Variants in STK10 observed in about 807,000 individuals in gnomAD.
STK10 encodes the protein serine/threonine-protein kinase 10.
In STK10, 78 loss-of-function variants were observed where a neutral mutation model predicts 113.8. That is an observed-to-expected ratio of 0.69 (90% CI 0.57 to 0.83). The LOEUF (loss-of-function observed/expected upper bound fraction) is 0.83. Among genes scored for constraint, STK10 ranks in the 40% least tolerant of loss-of-function variants. The probability of loss-of-function intolerance (pLI) is 0.00; values close to 1 mark genes in which losing one functional copy is unlikely to be tolerated. For synonymous variants in STK10, 465 were observed against 494.7 expected (o/e 0.94, Z 0.80); for missense variants, 1,109 against 1,280.1 (o/e 0.87, Z 2.04).
rs78364436 is a variant in STK10 at position 172,064,538 on chromosome 5, G to A, written c.2082+182C>T. The A allele has an allele frequency of 2.2e-3, 1,382 of 630,446 alleles. 7 individuals are homozygous for A. The highest frequency in any genetic ancestry group is 0.016 in the African/African-American group (863 of 54,618). 39.1% of individuals were successfully genotyped at this position (630,446 alleles called of 1,614,324 possible). ...AGAGCTTACTTCCAGATGGAGGCAG[G>A]GCAATCGAGGAAGGCTGCATGGAGG... On this transcript the variant is annotated intron_variant, in intron 13 of 18. Transcript: ENST00000176763.
chr5:172,068,444 T>C (rs1026781798), intron 12 of STK10, among the ~76,000 whole-genome samples: 9 of 152,136 alleles, frequency 5.9e-5, no homozygotes, highest in Non-Finnish European at 1.2e-4. Context: ...AACTTTGTGG[T>C]CAGGAAGAAA....
chr5:172,183,997 C>T lies in STK10; in HGVS notation c.156+3890G>A, dbSNP rs139707599. ...TCCTCAGGAAATCTGGAGTCAGAGT[C>T]CTCTCCTGACACTGTGACAAACTCA... On this transcript the variant is annotated intron_variant, in intron 1 of 18. Coordinates refer to ENST00000176763, the MANE Select transcript of STK10 (RefSeq NM_005990.4). Among the ~76,000 whole-genome samples the T allele has an allele frequency of 1.5e-3, 221 of 152,274 alleles. 2 individuals carry two copies. The highest frequency in any genetic ancestry group is 5.1e-3 in the African/African-American group (210 of 41,564).
At position 172,083,025 on chromosome 5, in the gene STK10, T is replaced by C. The variant is rs1349269503; in HGVS notation, c.1745A>G (p.Gln582Arg). ...CTGCAGCTCATGCTTGTTACTCAGC[T>C]GGGTCTGGTTCCGATGCTCTTCTTT... is the stretch of plus-strand genomic sequence containing the variant. ...LQKEEHRNQT[Q>R]LSNKHELQLE... Residue 582 changes from glutamine (Q) to arginine (R), a missense_variant, in exon 11 of 19, where the codon CAG (glutamine) becomes CGG (arginine). Gln to Arg is a conservative substitution (Grantham distance 43). Around this residue, in one of 5 missense-constraint regions of STK10, gnomAD observed 885 missense variants for 991.1 expected, o/e 0.89. Transcript: ENST00000176763. 1 of 1,614,176 alleles carries C rather than the reference T, an allele frequency of 6.2e-7. No individual in the cohort carries two copies. Among genetic ancestry groups the C allele is most frequent in the Non-Finnish European group, 8.5e-7 (1 of 1,180,034 alleles).
chr5:172,054,598 T>A lies in STK10; in HGVS notation c.2623A>T (p.Ser875Cys), dbSNP rs1488842111. The stretch of plus-strand genomic sequence containing the variant: ...AGCTGCTGCAGCTCGCTCATGTTGC[T>A]CTCACACTGCGCCAGCATGTCCCGC... ...QMRDMLAQCE[S>C]NMSELQQLQN... is the part of the protein sequence containing the mutation. The change falls in exon 17 of 19, where the codon AGC (serine) becomes TGC (cysteine). Residue 875 changes from serine (S) to cysteine (C), a missense_variant. Coordinates refer to ENST00000176763, the MANE Select transcript of STK10 (RefSeq NM_005990.4). 6.2e-7 allele frequency: 1 copy of A among 1,609,308 alleles called. No individual in the cohort carries two copies. The highest frequency in any genetic ancestry group is 1.7e-5 in the Admixed American group (1 of 60,002).
At chr5:172,046,099 CT>C (rs753047258) in intron 18 of STK10, among the ~76,000 whole-genome samples, 5 of 151,558 alleles carry the variant, frequency 3.3e-5, no homozygotes, top group Non-Finnish European at 5.9e-5. Flanking sequence ...GTGTCTCAGC[CT>C]TGTAATCCCA....
chr5:172,177,838 GT>G (rs1770783882), intron 1 of STK10, among the ~76,000 whole-genome samples: 1 of 151,996 alleles, frequency 6.6e-6, no homozygotes, highest in African/African-American at 2.4e-5. Flanking sequence ...GTTTTGTTTT[GT>G]TTTGTTGAGA....
rs1767429371 is a variant in STK10 at position 172,043,539 on chromosome 5, A to G, written c.*1343T>C. The G allele has an allele frequency of 1.3e-5, 2 of 152,194 alleles. No homozygotes were observed. Among genetic ancestry groups the G allele is most frequent in the African/African-American group, 4.8e-5 (2 of 41,444 alleles). 9.4% of individuals were successfully genotyped at this position (152,194 alleles called of 1,614,324 possible). On this transcript the variant is annotated 3_prime_UTR_variant, in exon 19 of 19. Transcript: ENST00000176763. ...AAAAAGCAGATATCTTCCTGGAGAAACCATACATTTTATAGTTGTTTCAAT... is the reference window on the plus strand; with the variant it reads ...AAAAAGCAGATATCTTCCTGGAGAAGCCATACATTTTATAGTTGTTTCAAT...
At chr5:172,113,250 G>A (rs1437759499) in intron 4 of STK10, among the ~76,000 whole-genome samples, 4 of 152,122 alleles carry the variant, frequency 2.6e-5, no homozygotes, top group East Asian at 3.8e-4. Context: ...TGACCAGCAC[G>A]GAGGGCATGC....
chr5:172,181,121 T>C (rs892210163), intron 1 of STK10, among the ~76,000 whole-genome samples: 2 of 152,112 alleles, frequency 1.3e-5, no homozygotes, highest in African/African-American at 2.4e-5. Flanking sequence ...TGCCATCAGA[T>C]TGCACACACA....
chr5:172,120,224 G>A lies in STK10; in HGVS notation c.371-2594C>T, dbSNP rs972801740. The stretch of plus-strand genomic sequence containing the variant: ...GGCTTCTAAGCCTGGTCACCAAAGG[G>A]CACTGCTCCGAGTCTTCCCTCTGCC... On this transcript the variant is annotated intron_variant, in intron 3 of 18. Coordinates refer to ENST00000176763, the MANE Select transcript of STK10 (RefSeq NM_005990.4). The surrounding 1 kb of genome is among the most constrained non-coding windows in gnomAD (Gnocchi z 4.0). Among the ~76,000 whole-genome samples the A allele has an allele frequency of 1.3e-5, 2 of 152,204 alleles. No individual in the cohort carries two copies. The highest frequency in any genetic ancestry group is 4.8e-5 in the African/African-American group (2 of 41,450).
intron 12 of STK10, among the ~76,000 whole-genome samples, chr5:172,066,054 G>A (rs943575174): frequency 6.6e-6 from 1 of 152,124 alleles, no homozygotes; most frequent in African/African-American, 2.4e-5. Context: ...CTTCACAGGT[G>A]CCTAATAACC....
At chr5:172,096,582 A>C in intron 7 of STK10, 22 bp from the exon 8 acceptor site, 1 of 1,611,398 alleles carries the variant, frequency 6.2e-7, no homozygotes. Flanking sequence ...AGATGCACCC[A>C]GATTAGAACC....
chr5:172,112,368 T>A (rs1403624952), intron 4 of STK10, among the ~76,000 whole-genome samples: 1 of 150,912 alleles, frequency 6.6e-6, no homozygotes, highest in Non-Finnish European at 1.5e-5. Context: ...AATGTTCATC[T>A]CCCTGGAAGT....
At chr5:172,156,161 A>G (rs1770342816) in intron 2 of STK10, among the ~76,000 whole-genome samples, 1 of 152,162 alleles carries the variant, frequency 6.6e-6, no homozygotes. Context: ...TAGCAGTGGC[A>G]GAAGAAGTGC....
chr5:172,061,059 G>T, intron 14 of STK10, 80 bp downstream of exon 14: 2 of 1,494,550 alleles, frequency 1.3e-6, no homozygotes, highest in Non-Finnish European at 1.8e-6. Context: ...GGAGGTTCTT[G>T]TTGCCCACCC....
At chr5:172,103,221 C>CT (rs1436533380) in intron 7 of STK10, among the ~76,000 whole-genome samples, 1 of 152,202 alleles carries the variant, frequency 6.6e-6, no homozygotes, top group Admixed American at 6.5e-5. Flanking sequence ...TGCTCTGATC[C>CT]CGGTGTCCTC....
At chr5:172,137,724 C>CAAAAAAAAA (rs34773105) in intron 2 of STK10, among the ~76,000 whole-genome samples, 2 of 91,030 alleles carry the variant, frequency 2.2e-5, no homozygotes, top group Admixed American at 1.2e-4. Context: ...ACTAAAAATA[C>CAAAAAAAAA]AAAAAAAAAA....
chr5:172,070,279 C>CTA (rs750367073), intron 12 of STK10, among the ~76,000 whole-genome samples: 22 of 150,082 alleles, frequency 1.5e-4, no homozygotes, highest in Admixed American at 4.0e-4. Flanking sequence ...ATCTATATAT[C>CTA]TATATATATA....
At chr5:172,095,146 G>T (rs546254559) in intron 8 of STK10, among the ~76,000 whole-genome samples, 4 of 152,162 alleles carry the variant, frequency 2.6e-5, no homozygotes, top group African/African-American at 9.7e-5. Context: ...TGGTATGAAT[G>T]GATTTATACT....
Sources: gnomAD v4.1 joint callset for allele counts (sites outside exome capture counted in the v4.1 genomes callset) on GRCh38, gnomAD v4.1.1 for gene constraint, gnomAD v4.1.1 regional missense constraint, Gnocchi (gnomAD v3.1) non-coding constraint, MANE v1.5 for transcripts, NCBI Gene and HGNC (gene_info 2026-07-23, HGNC 2026-07-21) for gene names.